HCN1: variants seen among roughly 807,000 people sequenced by gnomAD.
HCN1 encodes the protein potassium/sodium hyperpolarization-activated cyclic nucleotide-gated channel 1.
Under a neutral mutation model 78.9 loss-of-function variants are expected in HCN1, and 13 were observed. The ratio of observed to expected loss-of-function variants is 0.16; its 90% CI spans 0.11 to 0.26. HCN1 has a LOEUF of 0.26. Among genes scored for constraint, HCN1 ranks in the 10% least tolerant of loss-of-function variants. The pLI, the probability that HCN1 is intolerant of heterozygous loss-of-function variation, is 1.00. For synonymous variants in HCN1, 552 were observed against 455.5 expected (o/e 1.21, Z -2.70); for missense variants, 810 against 1,154.3 (o/e 0.70, Z 4.32).
At chr5:45,266,833 T>A (rs1240314206) in intron 7 of HCN1, among the ~76,000 whole-genome samples, 2 of 151,946 alleles carry the variant, frequency 1.3e-5, no homozygotes, top group African/African-American at 2.4e-5. Flanking sequence ...CTCAGCCTTC[T>A]GAGTGGCTGG....
rs748665278 is a variant in HCN1 at position 45,695,812 on chromosome 5, C to A, written c.282G>T (p.Met94Ile). 66 of 1,609,580 alleles carry A rather than the reference C, an allele frequency of 4.1e-5. No homozygotes were observed. The highest frequency in any genetic ancestry group is 5.1e-5 in the Non-Finnish European group (60 of 1,179,442). ...GCAGCATGGAGGTGAACTGCCTCTGCATGAAGCCGTACTGCCGCCGGGGCC... is the reference window on the plus strand; with the variant it reads ...GCAGCATGGAGGTGAACTGCCTCTGAATGAAGCCGTACTGCCGCCGGGGCC... ...AEGPRRQYGF[M>I]QRQFTSMLQP... The change falls in exon 1 of 8, where the codon ATG becomes ATT. Residue 94 changes from methionine to isoleucine, a missense_variant. Around this residue, in one of 6 missense-constraint regions of HCN1, gnomAD observed 170 missense variants for 166.8 expected, o/e 1.02. Coordinates refer to ENST00000303230, the MANE Select transcript of HCN1 (RefSeq NM_021072.4).
At chr5:45,409,618 T>C (rs759895401) in intron 3 of HCN1, among the ~76,000 whole-genome samples, 2 of 152,012 alleles carry the variant, frequency 1.3e-5, no homozygotes, top group Non-Finnish European at 2.9e-5. Context: ...TCTGATTTTT[T>C]TCTTCTACCT....
rs376299319 is a variant in HCN1, at chr5:45,689,615, C to T, written c.425+6054G>A. Among the ~76,000 whole-genome samples the T allele has an allele frequency of 3.3e-4, 50 of 152,088 alleles. 1 individual carries two copies. The East Asian group carries it at 7.5e-3, about 23-fold the overall frequency. ...TTAAAATCTTAGTTGCAGGAGAGAA[C>T]TCAGGTTGTTCTAGGAGCTAAAAAT... On this transcript the variant is annotated intron_variant, in intron 1 of 7. Coordinates refer to ENST00000303230, the MANE Select transcript of HCN1 (RefSeq NM_021072.4).
intron 6 of HCN1, among the ~76,000 whole-genome samples, chr5:45,284,653 G>T (rs111511477): frequency 2.6e-5 from 4 of 152,196 alleles, no homozygotes; most frequent in African/African-American, 9.6e-5. Context: ...GGAGCTGAAT[G>T]CTGCTTTAAT....
At chr5:45,352,802 A>G (rs1746938200) in intron 5 of HCN1, among the ~76,000 whole-genome samples, 1 of 152,036 alleles carries the variant, frequency 6.6e-6, no homozygotes, top group African/African-American at 2.4e-5. Context: ...AATCAGTTTG[A>G]TAAGAATGAG....
chr5:45,378,417 C>T (rs1368848532), intron 4 of HCN1, among the ~76,000 whole-genome samples: 1 of 151,986 alleles, frequency 6.6e-6, no homozygotes, highest in East Asian at 1.9e-4. Flanking sequence ...AGAAGTATTC[C>T]ATTCTGGAGT....
intron 4 of HCN1, among the ~76,000 whole-genome samples, chr5:45,377,141 G>A (rs778199331): frequency 3.3e-5 from 5 of 151,896 alleles, no homozygotes; most frequent in African/African-American, 9.7e-5. Context: ...GAAATTCACA[G>A]AATTAAAATA....
At chr5:45,488,342 C>G (rs1741811206) in intron 2 of HCN1, among the ~76,000 whole-genome samples, 1 of 152,092 alleles carries the variant, frequency 6.6e-6, no homozygotes, top group South Asian at 2.1e-4. Flanking sequence ...GGAACTTAGA[C>G]ACTGAAAGGC....
chr5:45,686,237 T>C (rs1290816977), intron 1 of HCN1, among the ~76,000 whole-genome samples: 1 of 142,472 alleles, frequency 7.0e-6, no homozygotes, highest in African/African-American at 2.6e-5. Context: ...ATGCCCAGTC[T>C]TTTTTTTTTT....
At chr5:45,657,809 T>C (rs1561234787) in intron 1 of HCN1, among the ~76,000 whole-genome samples, 2 of 152,178 alleles carry the variant, frequency 1.3e-5, no homozygotes, top group East Asian at 1.9e-4. Flanking sequence ...AAAATGGCCA[T>C]ACTGCCCAAG....
Position 45,267,094 on chromosome 5 carries a change from C to A in HCN1, c.1778G>T (p.Arg593Leu). The A allele has an allele frequency of 6.2e-7, 1 of 1,611,064 alleles. No individual in the cohort carries two copies. The highest frequency in any genetic ancestry group is 8.5e-7 in the Non-Finnish European group (1 of 1,177,292). Residue 593 changes from arginine (R) to leucine (L), a missense_variant, in exon 7 of 8, where the codon CGA becomes CTA. Around this residue, in one of 6 missense-constraint regions of HCN1, gnomAD observed 398 missense variants for 381.3 expected, o/e 1.04. Coordinates refer to ENST00000303230, the MANE Select transcript of HCN1 (RefSeq NM_021072.4). ...AAGGTAGAAAACTAGAGTACCTATT[C>A]GATCTAGTCGGTCAATGGCAACTGT... ...FETVAIDRLD[R>L]IGKKNSILLQ...
intron 5 of HCN1, among the ~76,000 whole-genome samples, chr5:45,319,410 T>A (rs188946394): frequency 1.2e-3 from 180 of 152,068 alleles, no homozygotes; most frequent in Admixed American, 3.0e-3. Context: ...GTTTTGCTTT[T>A]TGCACTTGTG....
rs982599647 is a variant in HCN1, at chr5:45,671,624, ATTAC to A, written c.425+24041_425+24044del. On this transcript the variant is annotated intron_variant, in intron 1 of 7. Coordinates refer to ENST00000303230, the MANE Select transcript of HCN1 (RefSeq NM_021072.4). ...TTTGATGACTAGCAGTCCTTTGATG[ATTAC>A]TTGTCAGATAAAAAAATATGAAGGT... is the stretch of plus-strand genomic sequence containing the variant. Among the ~76,000 whole-genome samples, 47 of 151,444 alleles carry A rather than the reference ATTAC, an allele frequency of 3.1e-4. 1 individual carries two copies. The highest frequency in any genetic ancestry group is 1.2e-3 in the Admixed American group (18 of 15,134).
intron 2 of HCN1, among the ~76,000 whole-genome samples, chr5:45,587,055 G>A (rs2111936211): frequency 6.6e-6 from 1 of 152,274 alleles, no homozygotes; most frequent in Middle Eastern, 3.4e-3. Context: ...AACAACAGGT[G>A]CTGGAGAGGA....
intron 2 of HCN1, among the ~76,000 whole-genome samples, chr5:45,603,583 T>C (rs1387224115): frequency 6.6e-6 from 1 of 152,062 alleles, no homozygotes; most frequent in Non-Finnish European, 1.5e-5. Flanking sequence ...TAGCATTGAA[T>C]GGTTGAATTT....
At chr5:45,404,692 G>GAAAAA (rs1739885014) in intron 3 of HCN1, among the ~76,000 whole-genome samples, 1 of 16,900 alleles carries the variant, frequency 5.9e-5, no homozygotes, top group Non-Finnish European at 1.1e-4. Context: ...AGGGCTATTT[G>GAAAAA]CAAAAAAAAA....
At chr5:45,305,677 G>A (rs191431829) in intron 5 of HCN1, among the ~76,000 whole-genome samples, 1 of 151,002 alleles carries the variant, frequency 6.6e-6, no homozygotes, top group Admixed American at 6.6e-5. Flanking sequence ...AAATGAAGGA[G>A]GGGAGGAAGG....
At chr5:45,452,520 G>T (rs1466223094) in intron 3 of HCN1, among the ~76,000 whole-genome samples, 8 of 151,382 alleles carry the variant, frequency 5.3e-5, no homozygotes, top group Admixed American at 5.3e-4. Flanking sequence ...TAGTAAGATA[G>T]AACCCAATAG....
At chr5:45,607,714 A>C (rs1744750974) in intron 2 of HCN1, among the ~76,000 whole-genome samples, 1 of 151,478 alleles carries the variant, frequency 6.6e-6, no homozygotes, top group Non-Finnish European at 1.5e-5. Flanking sequence ...TAGAAAACTA[A>C]GAATAGAATC....
Sources: gnomAD v4.1 joint callset for allele counts (sites outside exome capture counted in the v4.1 genomes callset) on GRCh38, gnomAD v4.1.1 for gene constraint, gnomAD v4.1.1 regional missense constraint, MANE v1.5 for transcripts, NCBI Gene and HGNC (gene_info 2026-07-23, HGNC 2026-07-21) for gene names.